YPEL4: variants seen among roughly 807,000 people sequenced by gnomAD.
YPEL4 encodes yippee like 4, also known as protein yippee-like 4.
In YPEL4, 5 loss-of-function variants were observed where a neutral mutation model predicts 16.3. The ratio of observed to expected loss-of-function variants is 0.31; its 90% CI spans 0.16 to 0.64. The LOEUF (loss-of-function observed/expected upper bound fraction) is 0.64. Among genes scored for constraint, YPEL4 ranks in the 30% least tolerant of loss-of-function variants. The pLI is 0.79. For missense variants in YPEL4, 127 were observed against 170.0 expected (o/e 0.75, Z 1.41); for synonymous variants, 61 against 60.7 (o/e 1.00, Z -0.02).
Position 57,645,433 on chromosome 11 carries a change from C to T in YPEL4, c.*548G>A. The T allele has an allele frequency of 6.5e-6, 1 of 153,858 alleles. No individual in the cohort carries two copies. Among genetic ancestry groups the T allele is most frequent in the South Asian group, 2.0e-4 (1 of 4,918 alleles). The allele number at this position is 153,858 out of a possible 1,614,324, so 9.5% of individuals were successfully genotyped here. A position where few individuals can be genotyped will look rare whatever the true frequency, so the allele number is the denominator to read the frequency against. ...TTGATTATTTTACTATTTCCCAGGG[C>T]CTGGGATTTGAGTTTTCCCTGCACT... On this transcript the variant is annotated 3_prime_UTR_variant, in exon 5 of 5. Coordinates refer to ENST00000300022, the MANE Select transcript of YPEL4 (RefSeq NM_145008.3).
Position 57,645,700 on chromosome 11 carries a change from T to A in YPEL4, c.*281A>T. On this transcript the variant is annotated 3_prime_UTR_variant, in exon 5 of 5. Coordinates refer to ENST00000300022, the MANE Select transcript of YPEL4 (RefSeq NM_145008.3). ...AGTCTATGCCCTGCCATCGCTTCCA[T>A]GTTCAGGATCTTGGGAACAGAAAGA... The A allele has an allele frequency of 2.2e-6, 1 of 446,442 alleles. No homozygotes were observed. The allele number at this position is 446,442 out of a possible 1,614,324, so 27.7% of individuals were successfully genotyped here.
At position 57,649,727 on chromosome 11, in the gene YPEL4, T is replaced by A. The variant is rs1565181597; in HGVS notation, c.-227A>T. ...AGATCTCCGTCTATCTCTCTCTCTC[T>A]CTCTCAATCTCTCAATCTCTCTGCT... On this transcript the variant is annotated 5_prime_UTR_variant, in exon 1 of 5. Transcript: ENST00000300022. 6.8e-6 allele frequency: 1 copy of A among 147,170 alleles called. No homozygotes were observed. Among genetic ancestry groups the A allele is most frequent in the East Asian group, 2.1e-4 (1 of 4,818 alleles). 9.1% of individuals were successfully genotyped at this position (147,170 alleles called of 1,614,324 possible).
At position 57,647,017 on chromosome 11, in the gene YPEL4, A is replaced by G. The variant is rs1945738851; in HGVS notation, c.91T>C (p.Cys31Arg). 2 of 1,598,630 alleles carry G rather than the reference A, an allele frequency of 1.3e-6. No individual in the cohort carries two copies. Among genetic ancestry groups the G allele is most frequent in the African/African-American group, 1.3e-5 (1 of 74,512 alleles). Residue 31 changes from cysteine to arginine, a missense_variant, in exon 2 of 5, where the codon TGT becomes CGT. Coordinates refer to ENST00000300022, the MANE Select transcript of YPEL4 (RefSeq NM_145008.3). The surrounding 1 kb of genome is among the most constrained non-coding windows in gnomAD (Gnocchi z 4.2). ...GCCAGGTGTGCACGGCAGTGGACACAGCTGTAAGTGCGGTGACAGCGGGGC... is the reference window on the plus strand; with the variant it reads ...GCCAGGTGTGCACGGCAGTGGACACGGCTGTAAGTGCGGTGACAGCGGGGC... ...YLPRCHRTYS[C>R]VHCRAHLAKH...
rs939060592 is a variant in YPEL4 at position 57,645,091 on chromosome 11, G to C, written c.*890C>G. ...AAAGTCAGAGGACAGGTTGCCTCAA[G>C]TTGCTTTTTCCCTTTTTATTAAAAA... On this transcript the variant is annotated 3_prime_UTR_variant, in exon 5 of 5. Transcript: ENST00000300022. 1 of 152,156 alleles carries C rather than the reference G, an allele frequency of 6.6e-6. No individual in the cohort carries two copies. The allele number at this position is 152,156 out of a possible 1,614,324, so 9.4% of individuals were successfully genotyped here. A position where few individuals can be genotyped will look rare whatever the true frequency, so the allele number is the denominator to read the frequency against.
chr11:57,646,686 A>C (rs966869040), intron 3 of YPEL4, 65 bp downstream of exon 3: 1 of 1,597,012 alleles, frequency 6.3e-7, no homozygotes, highest in Non-Finnish European at 8.5e-7. Context: ...CCCTTTCTCC[A>C]CAGAGGAAAA....
rs1360925767 is a variant in YPEL4 at position 57,647,266 on chromosome 11, G to A, written c.-159C>T. The A allele has an allele frequency of 1.4e-5, 14 of 1,013,052 alleles. No individual in the cohort carries two copies. Among genetic ancestry groups the A allele is most frequent in the South Asian group, 6.1e-5 (3 of 49,574 alleles). 62.8% of individuals were successfully genotyped at this position (1,013,052 alleles called of 1,614,324 possible). ...CTGCCCGGCCAGGGCCCCCCCAGAC[G>A]AGAACCAGATAGAAATAGAAGTCAC... On this transcript the variant is annotated 5_prime_UTR_variant, in exon 2 of 5. Coordinates refer to ENST00000300022, the MANE Select transcript of YPEL4 (RefSeq NM_145008.3). The surrounding 1 kb of genome is among the most constrained non-coding windows in gnomAD (Gnocchi z 4.2).
chr11:57,645,917 C>T lies in YPEL4; in HGVS notation c.*64G>A, dbSNP rs930000787. The T allele has an allele frequency of 9.0e-6, 14 of 1,557,946 alleles. No individual in the cohort carries two copies. In the African/African-American group the frequency reaches 1.9e-4, roughly 21 times the overall value. On this transcript the variant is annotated 3_prime_UTR_variant, in exon 5 of 5. Transcript: ENST00000300022. ...GGGGCAGTACTCATGCTGGTATAGACTGCTTGGCAGGGCCGTGGGGAGGGA... is the reference window on the plus strand; with the variant it reads ...GGGGCAGTACTCATGCTGGTATAGATTGCTTGGCAGGGCCGTGGGGAGGGA...
chr11:57,647,110 CGGGCTGGAGGACAATGCCCTGGT>C lies in YPEL4; in HGVS notation c.-26_-4del. The C allele has an allele frequency of 6.4e-7, 1 of 1,568,522 alleles. No individual in the cohort carries two copies. Among genetic ancestry groups the C allele is most frequent in the Non-Finnish European group, 8.6e-7 (1 of 1,160,786 alleles). On this transcript the variant is annotated 5_prime_UTR_variant, in exon 2 of 5. Coordinates refer to ENST00000300022, the MANE Select transcript of YPEL4 (RefSeq NM_145008.3). This position sits in a 1 kb window ranked among gnomAD's most constrained non-coding sequence, Gnocchi z 4.2. ...GGACCGGGGTCACAGCTGGGCATGA[CGGGCTGGAGGACAATGCCCTGGT>C]GGGCTGGAGGGGCTGGCGCCGTGCA...
chr11:57,648,296 C>T (rs1398007115), intron 1 of YPEL4: 1 of 152,250 alleles, frequency 6.6e-6, no homozygotes, highest in Admixed American at 6.5e-5. Context: ...ACAGCAGTGA[C>T]TCTGTGGGTG....
Position 57,645,810 on chromosome 11 carries a change from A to G in YPEL4, c.*171T>C. On this transcript the variant is annotated 3_prime_UTR_variant, in exon 5 of 5. Coordinates refer to ENST00000300022, the MANE Select transcript of YPEL4 (RefSeq NM_145008.3). ...CTTAACACCCCTGGGGTACCCCCAG[A>G]CCCCTGTTCTAAAGGGTGCCTGGTA... 3 of 640,868 alleles carry G rather than the reference A, an allele frequency of 4.7e-6. No homozygotes were observed. The highest frequency in any genetic ancestry group is 8.0e-6 in the Non-Finnish European group (3 of 373,334). The allele number at this position is 640,868 out of a possible 1,614,324, so 39.7% of individuals were successfully genotyped here.
chr11:57,646,603 A>G (rs1260445082), intron 3 of YPEL4, 148 bp downstream of exon 3: 1 of 1,303,004 alleles, frequency 7.7e-7, no homozygotes, highest in Non-Finnish European at 1.1e-6. Flanking sequence ...CCCATGTGAG[A>G]ACTTCAGATT....
chr11:57,647,647 C>G lies in YPEL4; in HGVS notation c.-184-356G>C, dbSNP rs1945748390. On this transcript the variant is annotated intron_variant, in intron 1 of 4. Coordinates refer to ENST00000300022, the MANE Select transcript of YPEL4 (RefSeq NM_145008.3). This position sits in a 1 kb window ranked among gnomAD's most constrained non-coding sequence, Gnocchi z 4.2. ...CCTTGGTTTTCAGTTCTTCGTGAGG[C>G]TCTGCATCGCACAGGCACTGTGTCT... 1.3e-5 allele frequency: 2 copies of G among 152,596 alleles called. No homozygotes were observed. The highest frequency in any genetic ancestry group is 6.5e-5 in the Admixed American group (1 of 15,300). The allele number at this position is 152,596 out of a possible 1,614,324, so 9.5% of individuals were successfully genotyped here.
rs2135346881 is a variant in YPEL4 at position 57,645,631 on chromosome 11, G to A, written c.*350C>T. 3.8e-6 allele frequency: 1 copy of A among 264,866 alleles called. No individual in the cohort carries two copies. The highest frequency in any genetic ancestry group is 2.2e-5 in the African/African-American group (1 of 45,872). 16.4% of individuals were successfully genotyped at this position (264,866 alleles called of 1,614,324 possible). ...GGTTTGTCCTCTGTTCACTCAAAAA[G>A]AGGTGGAGCAAAAACGGATTCCTCC... On this transcript the variant is annotated 3_prime_UTR_variant, in exon 5 of 5. Coordinates refer to ENST00000300022, the MANE Select transcript of YPEL4 (RefSeq NM_145008.3).
rs1402412961 is a variant in YPEL4, at chr11:57,645,854, G to A, written c.*127C>T. On this transcript the variant is annotated 3_prime_UTR_variant, in exon 5 of 5. Transcript: ENST00000300022. ...CCTGGTAGTGGATATGGTGGAGGCA[G>A]GGGAGGGGTTGGTTGGAGCCAGGTT... 5.9e-6 allele frequency: 5 copies of A among 844,362 alleles called. No individual in the cohort carries two copies. Among genetic ancestry groups the A allele is most frequent in the Middle Eastern group, 3.5e-4 (1 of 2,880 alleles). The allele number at this position is 844,362 out of a possible 1,614,324, so 52.3% of individuals were successfully genotyped here.
In YPEL4 at chr11:57,647,436, G is replaced by A. The variant is rs1007058149; in HGVS notation, c.-184-145C>T. On this transcript the variant is annotated intron_variant, in intron 1 of 4. Transcript: ENST00000300022. The surrounding 1 kb of genome is among the most constrained non-coding windows in gnomAD (Gnocchi z 4.2). ...CCCCACAGCATCCAGTTGCATTGTCGCCCTGTCCCCTGGATCCCCATTCTG... is the reference window on the plus strand; with the variant it reads ...CCCCACAGCATCCAGTTGCATTGTCACCCTGTCCCCTGGATCCCCATTCTG... 34 of 213,512 alleles carry A rather than the reference G, an allele frequency of 1.6e-4. No homozygotes were observed. The highest frequency in any genetic ancestry group is 7.6e-4 in the African/African-American group (33 of 43,622). The allele number at this position is 213,512 out of a possible 1,614,324, so 13.2% of individuals were successfully genotyped here. A position where few individuals can be genotyped will look rare whatever the true frequency, so the allele number is the denominator to read the frequency against.
At position 57,647,407 on chromosome 11, in the gene YPEL4, A is replaced by AC. The variant is rs551973712; in HGVS notation, c.-184-117dup. 11 of 265,304 alleles carry AC rather than the reference A, an allele frequency of 4.1e-5. No homozygotes were observed. Among genetic ancestry groups the AC allele is most frequent in the East Asian group, 1.4e-4 (2 of 14,534 alleles). 16.4% of individuals were successfully genotyped at this position (265,304 alleles called of 1,614,324 possible). ...ACCTCTACTTTCCCCATCACCATCG[A>AC]CCCCCCCACAGCATCCAGTTGCATT... On this transcript the variant is annotated intron_variant, in intron 1 of 4. Coordinates refer to ENST00000300022, the MANE Select transcript of YPEL4 (RefSeq NM_145008.3). The surrounding 1 kb of genome is among the most constrained non-coding windows in gnomAD (Gnocchi z 4.2).
Position 57,646,740 on chromosome 11 carries a change from G to A in YPEL4, c.185+11C>T. On this transcript the variant is annotated intron_variant, in intron 3 of 4. Transcript: ENST00000300022. ...GCACAAGCACACGCACAAGGAAAGAGGTAGACTCACACGGAGTTAAACAGG... is the reference window on the plus strand; with the variant it reads ...GCACAAGCACACGCACAAGGAAAGAAGTAGACTCACACGGAGTTAAACAGG... 1 of 1,613,732 alleles carries A rather than the reference G, an allele frequency of 6.2e-7. No homozygotes were observed. The highest frequency in any genetic ancestry group is 8.5e-7 in the Non-Finnish European group (1 of 1,179,872).
In YPEL4 at chr11:57,647,081, G is replaced by T. The variant is rs1375022459; in HGVS notation, c.27C>A (p.Gly9=). ...AAGTCTTGGTGGGGAGGCAGGCAGG[G>T]CCCGGACCGGGGTCACAGCTGGGCA... MPSCDPGP[G]PACLPTKTFR... Residue 9 remains glycine (G), a synonymous_variant, in exon 2 of 5, where the codon GGC becomes GGA. Coordinates refer to ENST00000300022, the MANE Select transcript of YPEL4 (RefSeq NM_145008.3). The surrounding 1 kb of genome is among the most constrained non-coding windows in gnomAD (Gnocchi z 4.2). 1 of 1,590,364 alleles carries T rather than the reference G, an allele frequency of 6.3e-7. No homozygotes were observed. Among genetic ancestry groups the T allele is most frequent in the Non-Finnish European group, 8.5e-7 (1 of 1,170,412 alleles).
At position 57,647,076 on chromosome 11, in the gene YPEL4, G is replaced by A; in HGVS notation, c.32C>T (p.Ala11Val). The A allele has an allele frequency of 6.3e-7, 1 of 1,592,124 alleles. No individual in the cohort carries two copies. Among genetic ancestry groups the A allele is most frequent in the Non-Finnish European group, 8.5e-7 (1 of 1,171,190 alleles). ...GCGGAAAGTCTTGGTGGGGAGGCAG[G>A]CAGGGCCCGGACCGGGGTCACAGCT... The part of the protein sequence containing the change: MPSCDPGPGP[A>V]CLPTKTFRSY... The change falls in exon 2 of 5, where the codon GCC becomes GTC. Residue 11 changes from alanine to valine, a missense_variant. Coordinates refer to ENST00000300022, the MANE Select transcript of YPEL4 (RefSeq NM_145008.3). The surrounding 1 kb of genome is among the most constrained non-coding windows in gnomAD (Gnocchi z 4.2).
Sources: gnomAD v4.1 joint callset for allele counts on GRCh38, gnomAD v4.1.1 for gene constraint, Gnocchi (gnomAD v3.1) non-coding constraint, MANE v1.5 for transcripts, NCBI Gene and HGNC (gene_info 2026-07-23, HGNC 2026-07-21) for gene names.